ARHGAP28: variants seen among roughly 807,000 people sequenced by gnomAD.
ARHGAP28 encodes rho GTPase-activating protein 28.
ARHGAP28 carries 56 observed loss-of-function variants against 90.7 expected under a neutral mutation model. That is an observed-to-expected ratio of 0.62 (90% CI 0.50 to 0.77). The LOEUF is 0.77. Ranked by LOEUF, ARHGAP28 falls within the 30% of genes least tolerant of loss-of-function variation. The probability of loss-of-function intolerance (pLI) is 0.00; values close to 1 mark genes in which losing one functional copy is unlikely to be tolerated. For synonymous variants in ARHGAP28, 308 were observed against 323.3 expected, an observed-to-expected ratio of 0.95 and a Z score of 0.51; for missense variants, 869 against 900.9, an observed-to-expected ratio of 0.96 and a Z score of 0.45.
intron 3 of ARHGAP28, among the ~76,000 whole-genome samples, chr18:6,839,823 A>G (rs2056790724): frequency 6.6e-6 from 1 of 152,222 alleles, no homozygotes; most frequent in African/African-American, 2.4e-5. Context: ...CCTTTGACTT[A>G]TGATGATCAT....
chr18:6,805,479 CTTTTTTTTTT>C lies in ARHGAP28; in HGVS notation c.123-19269_123-19260del, dbSNP rs756550297. The stretch of plus-strand genomic sequence containing the variant: ...TTTAATCTGGTCTGATAACCTTTGC[CTTTTTTTTTT>C]TTTTTTTTTTTTTGAAACGGAATTT... On this transcript the variant is annotated intron_variant, in intron 1 of 17. Coordinates refer to ENST00000383472, the MANE Select transcript of ARHGAP28 (RefSeq NM_001366230.1). Among the ~76,000 whole-genome samples the C allele has an allele frequency of 1.1e-4, 11 of 97,574 alleles. No individual in the cohort carries two copies. In the South Asian group the frequency reaches 3.0e-3, roughly 27 times the overall value. The allele number at this position is 97,574 out of a possible 152,430, so 64.0% of individuals were successfully genotyped here.
intron 7 of ARHGAP28, among the ~76,000 whole-genome samples, chr18:6,871,098 C>T (rs1439945852): frequency 1.3e-5 from 2 of 152,178 alleles, no homozygotes; most frequent in Admixed American, 6.5e-5. Context: ...CCGTGCATGG[C>T]CAAGATTTCT....
intron 1 of ARHGAP28, chr18:6,791,496 TATA>T (rs1223201265): frequency 2.0e-5 from 3 of 152,220 alleles, no homozygotes; most frequent in Non-Finnish European, 2.9e-5. Context: ...GTATATTTTA[TATA>T]ATAAGTATTT....
intron 3 of ARHGAP28, among the ~76,000 whole-genome samples, chr18:6,841,157 TTCTCTCTCTCCTCTC>T (rs1411661540): frequency 7.1e-5 from 5 of 70,316 alleles, no homozygotes; most frequent in East Asian, 6.6e-4. Context: ...TCTCTCCTCT[TTCTCTCTCTCCTCTC>T]TCTCTCTCCT....
In ARHGAP28 at chr18:6,901,915, C is replaced by T. The variant is rs143337603; in HGVS notation, c.2030+5289C>T. Among the ~76,000 whole-genome samples, 541 of 152,214 alleles carry T rather than the reference C, an allele frequency of 3.6e-3. 4 individuals carry two copies. Among genetic ancestry groups the T allele is most frequent in the African/African-American group, 0.012 (503 of 41,544 alleles). On this transcript the variant is annotated intron_variant, in intron 16 of 17. Coordinates refer to ENST00000383472, the MANE Select transcript of ARHGAP28 (RefSeq NM_001366230.1). ...GCAGGAGAAACTCTGCCATGCCTCC[C>T]GCATAACTTTTGGTGGTTGCCAGCA...
chr18:6,799,581 A>G (rs1189216595), intron 1 of ARHGAP28, among the ~76,000 whole-genome samples: 1 of 152,208 alleles, frequency 6.6e-6, no homozygotes. Flanking sequence ...AACGCCGCAT[A>G]TCTACAACCA....
chr18:6,760,384 C>T (rs975585073), intron 1 of ARHGAP28, among the ~76,000 whole-genome samples: 1 of 152,044 alleles, frequency 6.6e-6, no homozygotes, highest in African/African-American at 2.4e-5. Flanking sequence ...ATTCTTAGGT[C>T]CAGGTAAGAA....
intron 4 of ARHGAP28, among the ~76,000 whole-genome samples, chr18:6,852,127 C>T (rs1357790531): frequency 3.3e-5 from 5 of 152,148 alleles, no homozygotes; most frequent in African/African-American, 9.7e-5. Flanking sequence ...TAATAGACAA[C>T]ATATTTATTT....
At chr18:6,861,779 T>A (rs1281893934) in intron 5 of ARHGAP28, among the ~76,000 whole-genome samples, 3 of 152,222 alleles carry the variant, frequency 2.0e-5, no homozygotes, top group Non-Finnish European at 4.4e-5. Context: ...AGCTGCGAAT[T>A]TCTTCGCATC....
chr18:6,735,274 A>G (rs1452332980), intron 1 of ARHGAP28, among the ~76,000 whole-genome samples: 2 of 152,240 alleles, frequency 1.3e-5, no homozygotes, highest in Admixed American at 6.5e-5. Flanking sequence ...CCAGAATACC[A>G]TTTGTGAAAA....
chr18:6,765,560 C>A (rs1333624775), intron 1 of ARHGAP28, among the ~76,000 whole-genome samples: 1 of 151,968 alleles, frequency 6.6e-6, no homozygotes, highest in Non-Finnish European at 1.5e-5. Context: ...CTTTTCCAAA[C>A]TCTGCTTTTT....
At chr18:6,900,390 G>A (rs571631791) in intron 16 of ARHGAP28, among the ~76,000 whole-genome samples, 64 of 152,074 alleles carry the variant, frequency 4.2e-4, no homozygotes, top group Non-Finnish European at 4.1e-4. Context: ...ATCACAAAAA[G>A]TACCTCCACA....
intron 1 of ARHGAP28, among the ~76,000 whole-genome samples, chr18:6,776,076 C>T (rs2056280999): frequency 6.6e-6 from 1 of 152,056 alleles, no homozygotes; most frequent in South Asian, 2.1e-4. Context: ...ACAATGGACA[C>T]AGTAATACAA....
chr18:6,832,783 C>T lies in ARHGAP28; in HGVS notation c.326-4414C>T, dbSNP rs2056725964. 2.0e-5 allele frequency among the ~76,000 whole-genome samples: 3 copies of T among 151,940 alleles called. No homozygotes were observed. The South Asian group carries it at 6.2e-4, about 31-fold the overall frequency. On this transcript the variant is annotated intron_variant, in intron 2 of 17. Transcript: ENST00000383472. The stretch of plus-strand genomic sequence containing the variant: ...TCTTATTTCATCCATTTACTCTTTA[C>T]CTATCTGTCTGTGTTTTTCTTCACA...
At chr18:6,865,227 TTTAA>T (rs935054938) in intron 5 of ARHGAP28, among the ~76,000 whole-genome samples, 1 of 152,254 alleles carries the variant, frequency 6.6e-6, no homozygotes, top group Admixed American at 6.5e-5. Flanking sequence ...ATATTTGGTA[TTTAA>T]TGTTCTCATT....
intron 1 of ARHGAP28, among the ~76,000 whole-genome samples, chr18:6,798,808 G>A (rs28366990): frequency 0.25 from 37,884 of 151,988 alleles, 6,445 homozygotes; most frequent in African/African-American, 0.48. Flanking sequence ...AAAACCATTC[G>A]TACCACCAAA....
At position 6,898,512 on chromosome 18, in the gene ARHGAP28, G is replaced by A; in HGVS notation, c.2030+1886G>A. On this transcript the variant is annotated intron_variant, in intron 16 of 17. Transcript: ENST00000383472. The stretch of plus-strand genomic sequence containing the variant: ...TAAAAAAGAAAGAGAAGAGTCGACA[G>A]AGACCAACAGGAGCCCCAAACATGT... The A allele has an allele frequency of 1.9e-6, 3 of 1,614,154 alleles. No homozygotes were observed. In the South Asian group the frequency reaches 3.3e-5, roughly 18 times the overall value.
chr18:6,895,491 G>A (rs568761593), intron 15 of ARHGAP28, among the ~76,000 whole-genome samples: 10 of 152,338 alleles, frequency 6.6e-5, no homozygotes, highest in African/African-American at 1.9e-4. Context: ...CAAAATCAGG[G>A]TGTCAGCAAG....
At chr18:6,892,690 TCTC>T (rs2057275361) in intron 14 of ARHGAP28, among the ~76,000 whole-genome samples, 1 of 152,228 alleles carries the variant, frequency 6.6e-6, no homozygotes, top group Non-Finnish European at 1.5e-5. Flanking sequence ...TCATGACTTT[TCTC>T]CTGAACTGAT....
Sources: gnomAD v4.1 joint callset for allele counts (sites outside exome capture counted in the v4.1 genomes callset) on GRCh38, gnomAD v4.1.1 for gene constraint, MANE v1.5 for transcripts, NCBI Gene and HGNC (gene_info 2026-07-23, HGNC 2026-07-21) for gene names.